Variants in EML6 observed in about 807,000 individuals in gnomAD.
EML6 encodes the protein EMAP like 6.
Under a neutral mutation model 240.1 loss-of-function variants are expected in EML6, and 154 were observed. The ratio of observed to expected loss-of-function variants is 0.64; its 90% confidence interval spans 0.56 to 0.73. The LOEUF (loss-of-function observed/expected upper bound fraction) is 0.73. Ranked by LOEUF, EML6 falls within the 30% of genes least tolerant of loss-of-function variation. EML6 has a pLI of 0.00. For missense variants in EML6, 2,964 were observed against 2,474.6 expected (o/e 1.20, Z -4.20); for synonymous variants, 1,148 against 899.0 (o/e 1.28, Z -4.95).
At position 54,827,426 on chromosome 2, in the gene EML6, T is replaced by C. The variant is rs908473048; in HGVS notation, c.526-140T>C. 19 of 673,050 alleles carry C rather than the reference T, an allele frequency of 2.8e-5. No homozygotes were observed. In the East Asian group the frequency reaches 4.9e-4, roughly 17 times the overall value. The allele number at this position is 673,050 out of a possible 1,614,324, so 41.7% of individuals were successfully genotyped here. ...TGCTTTTGTGTTACATGTTGTTATG[T>C]TACAGCAAAGCAAATTAACTTATTT... On this transcript the variant is annotated intron_variant, in intron 5 of 41. Coordinates refer to ENST00000356458, the MANE Select transcript of EML6 (RefSeq NM_001039753.4).
At chr2:54,761,994 G>A (rs1668000752) in intron 2 of EML6, among the ~76,000 whole-genome samples, 1 of 152,050 alleles carries the variant, frequency 6.6e-6, no homozygotes. Flanking sequence ...GAAATTTAAT[G>A]TTGACACAAT....
At chr2:54,816,763 C>T in intron 3 of EML6, 24 bp from the exon 4 acceptor site, 7 of 1,505,838 alleles carry the variant, frequency 4.6e-6, no homozygotes, top group Non-Finnish European at 6.3e-6. Flanking sequence ...CTTTTAGGTA[C>T]TAAATTATTG....
intron 28 of EML6, among the ~76,000 whole-genome samples, chr2:54,929,898 G>C (rs1386587641): frequency 2.0e-5 from 3 of 152,150 alleles, no homozygotes; most frequent in Non-Finnish European, 4.4e-5. Flanking sequence ...TTTTTCTGCA[G>C]TGGTCTTCAG....
chr2:54,869,118 C>A (rs187354462), intron 14 of EML6, 63 bp from the exon 15 acceptor site: 3 of 1,141,510 alleles, frequency 2.6e-6, no homozygotes, highest in East Asian at 2.6e-5. Context: ...GCCTCTGACA[C>A]CTCCTGCTCC....
intron 33 of EML6, 57 bp downstream of exon 33, chr2:54,958,055 T>TGGGCATGGGCAG: frequency 6.9e-7 from 1 of 1,441,912 alleles, no homozygotes; most frequent in Non-Finnish European, 9.4e-7. Flanking sequence ...GGCATGGGCA[T>TGGGCATGGGCAG]GGGCATGGGC....
Position 54,859,583 on chromosome 2 carries a change from C to G in EML6, c.1707C>G (p.Val569=). The part of the protein sequence containing the change: ...YVGHSAHVTN[V]RWSHDFQWVL... ...GCCATTCTGCACATGTCACAAATGT[C>G]CGCTGGTCCCATGACTTTCAGTGGG... Residue 569 remains valine, a synonymous_variant, in exon 12 of 42, where the codon GTC becomes GTG. Coordinates refer to ENST00000356458, the MANE Select transcript of EML6 (RefSeq NM_001039753.4). 1 of 1,551,330 alleles carries G rather than the reference C, an allele frequency of 6.4e-7. No homozygotes were observed. Among genetic ancestry groups the G allele is most frequent in the Non-Finnish European group, 8.7e-7 (1 of 1,146,858 alleles).
At chr2:54,849,002 A>G (rs1037126495) in intron 9 of EML6, among the ~76,000 whole-genome samples, 7 of 152,232 alleles carry the variant, frequency 4.6e-5, no homozygotes, top group African/African-American at 1.7e-4. Flanking sequence ...TATTTATGTT[A>G]ATCTTGATAC....
intron 2 of EML6, among the ~76,000 whole-genome samples, chr2:54,768,501 C>A (rs1216993784): frequency 1.3e-5 from 2 of 152,142 alleles, no homozygotes; most frequent in African/African-American, 4.8e-5. Flanking sequence ...CACTTGTAAA[C>A]AGTTTATTTA....
At chr2:54,893,203 C>T (rs772296938) in intron 19 of EML6, among the ~76,000 whole-genome samples, 2 of 152,170 alleles carry the variant, frequency 1.3e-5, no homozygotes, top group Non-Finnish European at 2.9e-5. Flanking sequence ...ACTTGCCTTG[C>T]AGTGTCCCTC....
Position 54,968,780 on chromosome 2 carries a change from G to A in EML6, c.5852+12G>A. ...GGAGACGACTGCAGGTACTAACGTA[G>A]CTGACCCAGTTCTTACTCCACAGGC... On this transcript the variant is annotated intron_variant, in intron 41 of 41. Transcript: ENST00000356458. 2 of 1,438,186 alleles carry A rather than the reference G, an allele frequency of 1.4e-6. No homozygotes were observed. Among genetic ancestry groups the A allele is most frequent in the Non-Finnish European group, 1.9e-6 (2 of 1,043,530 alleles). The allele number at this position is 1,438,186 out of a possible 1,614,324, so 89.1% of individuals were successfully genotyped here.
intron 8 of EML6, among the ~76,000 whole-genome samples, chr2:54,846,255 C>T (rs13028705): frequency 1.0e-3 from 156 of 152,190 alleles, no homozygotes; most frequent in Non-Finnish European, 1.7e-3. Flanking sequence ...ATCTTGGACA[C>T]ATTTTCTTCC....
intron 28 of EML6, among the ~76,000 whole-genome samples, chr2:54,932,162 A>C (rs1674897168): frequency 6.6e-6 from 1 of 152,218 alleles, no homozygotes; most frequent in African/African-American, 2.4e-5. Flanking sequence ...TCTCAAAAGA[A>C]TCCTGGGCTA....
chr2:54,740,210 T>C (rs1683570129), intron 2 of EML6, among the ~76,000 whole-genome samples: 1 of 152,002 alleles, frequency 6.6e-6, no homozygotes, highest in Non-Finnish European at 1.5e-5. Flanking sequence ...GTGGGTGAGA[T>C]ACCCAGAGAA....
Position 54,802,657 on chromosome 2 carries a change from C to CTACTACTACTAG in EML6, c.198-10565_198-10564insAGTACTACTACT, listed in dbSNP as rs1434725107. On this transcript the variant is annotated intron_variant, in intron 2 of 41. Transcript: ENST00000356458. The stretch of plus-strand genomic sequence containing the variant: ...ACTACTACTACTACTACTACTACTA[C>CTACTACTACTAG]TACTACTACTGCTACTACTACTACT... Among the ~76,000 whole-genome samples the CTACTACTACTAG allele has an allele frequency of 8.2e-4, 122 of 148,760 alleles. 1 individual carries two copies. The Middle Eastern group carries it at 0.011, about 13-fold the overall frequency.
At chr2:54,766,007 C>T (rs1309906803) in intron 2 of EML6, among the ~76,000 whole-genome samples, 2 of 152,142 alleles carry the variant, frequency 1.3e-5, no homozygotes, top group Non-Finnish European at 2.9e-5. Flanking sequence ...CTTATTCTCT[C>T]TCCCTTCTTT....
chr2:54,744,196 G>A (rs1327307967), intron 2 of EML6, among the ~76,000 whole-genome samples: 7 of 152,078 alleles, frequency 4.6e-5, no homozygotes, highest in Non-Finnish European at 1.0e-4. Flanking sequence ...TGAGACAGGC[G>A]GCCTTCTGAG....
rs1553380371 is a variant in EML6 at position 54,797,175 on chromosome 2, A to AAAAAC, written c.198-16053_198-16052insCAAAA. ...GCAAGACTCCATCTCAAAAAAAAAA[A>AAAAAC]AAAAAAAAAAAAAACTGTGATCTTG... On this transcript the variant is annotated intron_variant, in intron 2 of 41. Transcript: ENST00000356458. Among the ~76,000 whole-genome samples, 9 of 141,694 alleles carry AAAAAC rather than the reference A, an allele frequency of 6.4e-5. 1 individual carries two copies. In the Admixed American group the frequency reaches 6.4e-4, roughly 10 times the overall value. The allele number at this position is 141,694 out of a possible 152,430, so 93.0% of individuals were successfully genotyped here.
At chr2:54,795,480 T>A (rs761152359) in intron 2 of EML6, among the ~76,000 whole-genome samples, 12 of 151,978 alleles carry the variant, frequency 7.9e-5, no homozygotes, top group Admixed American at 7.2e-4. Context: ...ACAGAGCCAA[T>A]ATCAGTGAGT....
chr2:54,771,552 T>C (rs1159800648), intron 2 of EML6, among the ~76,000 whole-genome samples: 1 of 152,270 alleles, frequency 6.6e-6, no homozygotes, highest in East Asian at 1.9e-4. Flanking sequence ...TGGGATGTCT[T>C]CTTTGAAAAC....
Sources: gnomAD v4.1 joint callset for allele counts (sites outside exome capture counted in the v4.1 genomes callset) on GRCh38, gnomAD v4.1.1 for gene constraint, MANE v1.5 for transcripts, NCBI Gene and HGNC (gene_info 2026-07-23, HGNC 2026-07-21) for gene names.